The following ETFB variants were observed in gnomAD, a reference collection of about 807,000 sequenced individuals.
ETFB encodes beta-ETF.
Under a neutral mutation model 25.6 loss-of-function variants are expected in ETFB, and 20 were observed. That is an observed-to-expected ratio of 0.78 (90% CI 0.55 to 1.14). The LOEUF is 1.14. ETFB is among the 50% of genes most tolerant of loss of function. ETFB has a pLI of 0.00. For synonymous variants in ETFB, 142 were observed against 146.7 expected (o/e 0.97, Z 0.23); for missense variants, 286 against 342.6 (o/e 0.83, Z 1.30).
At chr19:51,345,415 G>A in intron 5 of ETFB, 34 bp from the exon 6 acceptor site, 1 of 1,610,426 alleles carries the variant, frequency 6.2e-7, no homozygotes, top group African/African-American at 1.3e-5. Flanking sequence ...ACAGGGCTGT[G>A]GAACTCCTGC....
chr19:51,352,252 C>T (rs1005177478), intron 3 of ETFB, among the ~76,000 whole-genome samples: 21 of 152,208 alleles, frequency 1.4e-4, no homozygotes, highest in African/African-American at 3.4e-4. Flanking sequence ...GTGCTGATCC[C>T]ACCCCTCTTC....
intron 3 of ETFB, among the ~76,000 whole-genome samples, chr19:51,351,498 G>A (rs1487659224): frequency 6.6e-6 from 1 of 152,244 alleles, no homozygotes; most frequent in African/African-American, 2.4e-5. Context: ...TTCCCCAGCT[G>A]GAGGCCCTGG....
intron 1 of ETFB, among the ~76,000 whole-genome samples, chr19:51,363,894 A>G (rs1986289667): frequency 6.6e-6 from 1 of 152,192 alleles, no homozygotes; most frequent in South Asian, 2.1e-4. Context: ...AGCAGGTCAC[A>G]GTGGCAGAAG....
chr19:51,350,040 A>G (rs928279584), intron 4 of ETFB: 9 of 410,760 alleles, frequency 2.2e-5, no homozygotes, highest in African/African-American at 1.8e-4. Context: ...ATGACTCACC[A>G]TGCCTGGCCC....
At chr19:51,366,190 C>A in intron 1 of ETFB, 80 bp downstream of exon 1, 2 of 1,400,788 alleles carry the variant, frequency 1.4e-6, no homozygotes, top group Non-Finnish European at 2.0e-6. Flanking sequence ...TACGAGAAGA[C>A]CCCCACCCAG....
intron 3 of ETFB, among the ~76,000 whole-genome samples, chr19:51,352,260 T>G (rs1216736582): frequency 6.6e-6 from 1 of 152,110 alleles, no homozygotes; most frequent in Non-Finnish European, 1.5e-5. Flanking sequence ...CCCACCCCTC[T>G]TCTGCTCATA....
chr19:51,346,505 G>A (rs1985786776), intron 5 of ETFB: 1 of 222,482 alleles, frequency 4.5e-6, no homozygotes, highest in African/African-American at 2.3e-5. Context: ...GAGACCCCAT[G>A]CACCCTTCCT....
intron 4 of ETFB, among the ~76,000 whole-genome samples, chr19:51,348,914 C>T (rs1338784820): frequency 1.3e-5 from 2 of 152,090 alleles, no homozygotes; most frequent in East Asian, 1.9e-4. Context: ...AGATTTAGTA[C>T]AAAGAAAATC....
chr19:51,353,034 C>A lies in ETFB; in HGVS notation c.375+98G>T. 12 of 1,487,132 alleles carry A rather than the reference C, an allele frequency of 8.1e-6. No homozygotes were observed. In the South Asian group the frequency reaches 1.4e-4, roughly 17 times the overall value. 92.1% of individuals were successfully genotyped at this position (1,487,132 alleles called of 1,614,324 possible). A position where few individuals can be genotyped will look rare whatever the true frequency, so the allele number is the denominator to read the frequency against. On this transcript the variant is annotated intron_variant, in intron 3 of 5. Coordinates refer to ENST00000309244, the MANE Select transcript of ETFB (RefSeq NM_001985.3). ...CTGCTCAGCCTGGAGTGGTGAATGC[C>A]CTGGGCCTGGCCAGCTGCTGTCTCA... is the stretch of plus-strand genomic sequence containing the variant.
chr19:51,345,522 A>G (rs1287800555), intron 5 of ETFB, 141 bp from the exon 6 acceptor site: 1 of 845,172 alleles, frequency 1.2e-6, no homozygotes, highest in East Asian at 2.7e-5. Flanking sequence ...GGACACGCGA[A>G]ACTTCTCACA....
intron 1 of ETFB, among the ~76,000 whole-genome samples, chr19:51,360,659 C>T (rs1225155279): frequency 2.0e-5 from 3 of 152,218 alleles, no homozygotes; most frequent in Non-Finnish European, 4.4e-5. Flanking sequence ...AACTGTGAGA[C>T]TCTGAAAGAG....
chr19:51,358,541 G>A (rs992253648), intron 1 of ETFB, among the ~76,000 whole-genome samples: 5 of 152,198 alleles, frequency 3.3e-5, no homozygotes, highest in African/African-American at 9.7e-5. Flanking sequence ...GCTCATGCCT[G>A]TAATCCCAGC....
intron 4 of ETFB, 136 bp from the exon 5 acceptor site, chr19:51,347,194 G>T: frequency 1.1e-6 from 1 of 886,330 alleles, no homozygotes; most frequent in East Asian, 2.6e-5. Flanking sequence ...GGTCCCATGA[G>T]GTTTAGAATC....
rs556189186 is a variant in ETFB, at chr19:51,358,843, A to C, written c.58-4535T>G. 4.7e-3 allele frequency among the ~76,000 whole-genome samples: 697 copies of C among 149,314 alleles called. 9 individuals carry two copies. Among genetic ancestry groups the C allele is most frequent in the South Asian group, 0.022 (105 of 4,750 alleles). On this transcript the variant is annotated intron_variant, in intron 1 of 5. Coordinates refer to ENST00000309244, the MANE Select transcript of ETFB (RefSeq NM_001985.3). ...AAACAAACAACAACAAAAAAAAAAA[A>C]AAAAAAACAGCCAGGTATGGTGGCA...
At chr19:51,359,334 A>G (rs1341102670) in intron 1 of ETFB, among the ~76,000 whole-genome samples, 1 of 151,726 alleles carries the variant, frequency 6.6e-6, no homozygotes, top group African/African-American at 2.4e-5. Context: ...ATGGGATTAC[A>G]GGTGTGAGTC....
chr19:51,354,596 T>C lies in ETFB; in HGVS notation c.58-288A>G, dbSNP rs1259786841. The C allele has an allele frequency of 2.5e-6, 4 of 1,613,788 alleles. No individual in the cohort carries two copies. In the Admixed American group the frequency reaches 6.7e-5, roughly 27 times the overall value. On this transcript the variant is annotated intron_variant, in intron 1 of 5. Transcript: ENST00000309244. ...CCTCTCAGGCCTGAAAGAGTGTTTC[T>C]CAAATTTACAGTATTTATGGTAACC...
intron 4 of ETFB, chr19:51,347,876 G>A (rs1460064400): frequency 6.6e-6 from 1 of 152,124 alleles, no homozygotes; most frequent in African/African-American, 2.4e-5. Flanking sequence ...CCAGTCACCA[G>A]GGAAAAACAC....
intron 4 of ETFB, among the ~76,000 whole-genome samples, chr19:51,348,755 T>C (rs972762192): frequency 1.3e-5 from 2 of 152,116 alleles, no homozygotes; most frequent in Non-Finnish European, 2.9e-5. Flanking sequence ...TTACTGGAAA[T>C]GCAGTTACTA....
chr19:51,354,775 G>C (rs985677750), intron 1 of ETFB: 25 of 974,586 alleles, frequency 2.6e-5, no homozygotes, highest in Non-Finnish European at 3.7e-5. Flanking sequence ...AAAAATCACA[G>C]CTACAGGCAA....
Sources: allele counts gnomAD v4.1 joint callset (sites outside exome capture counted in the v4.1 genomes callset), GRCh38; gene constraint gnomAD v4.1.1; transcripts MANE v1.5; gene names NCBI Gene and HGNC (gene_info 2026-07-23, HGNC 2026-07-21).